SCO1: variants seen among roughly 807,000 people sequenced by gnomAD.
SCO1 encodes cytochrome c oxidase assembly factor SCO1.
Under a neutral mutation model 34.0 loss-of-function variants are expected in SCO1, and 23 were observed. The observed-to-expected ratio is 0.68, with a 90% confidence interval of 0.49 to 0.96. The LOEUF is 0.96. SCO1 is among the 40% of genes least tolerant of loss of function. The pLI, the probability that SCO1 is intolerant of heterozygous loss-of-function variation, is 0.00. For synonymous variants in SCO1, 161 were observed against 145.5 expected, an observed-to-expected ratio of 1.11 and a Z score of -0.77; for missense variants, 404 against 381.6, an observed-to-expected ratio of 1.06 and a Z score of -0.49.
intron 5 of SCO1, among the ~76,000 whole-genome samples, chr17:10,681,777 C>T (rs1286214799): frequency 6.6e-6 from 1 of 152,166 alleles, no homozygotes; most frequent in Admixed American, 6.5e-5. Context: ...TCATTACTGC[C>T]AAAATTCTGC....
intron 5 of SCO1, 115 bp from the exon 6 acceptor site, chr17:10,681,368 AG>A: frequency 8.9e-7 from 1 of 1,125,088 alleles, no homozygotes; most frequent in East Asian, 2.4e-5. Flanking sequence ...TAACCTTTAC[AG>A]CATCTATTAT....
At position 10,672,498 on chromosome 17, in the gene SCO1, G is replaced by C. The variant is rs754325290; in HGVS notation, c.*8621C>G. On this transcript the variant is annotated 3_prime_UTR_variant, in exon 6 of 6. Coordinates refer to ENST00000255390, the MANE Select transcript of SCO1 (RefSeq NM_004589.4). ...GTAATTTTTAAGTAAGGTTTATTGA[G>C]GTATGTATATTACAATTCACCCTTT... 3 of 151,962 alleles carry C rather than the reference G, an allele frequency of 2.0e-5. No homozygotes were observed. Among genetic ancestry groups the C allele is most frequent in the African/African-American group, 7.2e-5 (3 of 41,384 alleles). The allele number at this position is 151,962 out of a possible 1,614,324, so 9.4% of individuals were successfully genotyped here. A position where few individuals can be genotyped will look rare whatever the true frequency, so the allele number is the denominator to read the frequency against.
chr17:10,685,530 A>T (rs1038897809), intron 5 of SCO1, among the ~76,000 whole-genome samples: 7 of 152,218 alleles, frequency 4.6e-5, no homozygotes, highest in African/African-American at 1.7e-4. Context: ...GAATATGAAG[A>T]TAGTTAATTT....
chr17:10,692,615 C>CAAAGCAACAAACAA lies in SCO1; in HGVS notation c.562+135_562+148dup, dbSNP rs1400384304. 5.7e-6 allele frequency: 4 copies of CAAAGCAACAAACAA among 698,946 alleles called. No homozygotes were observed. In the Admixed American group the frequency reaches 9.0e-5, roughly 16 times the overall value. 43.3% of individuals were successfully genotyped at this position (698,946 alleles called of 1,614,324 possible). A position where few individuals can be genotyped will look rare whatever the true frequency, so the allele number is the denominator to read the frequency against. Reference sequence around the variant, plus strand: ...CAGTGGAGAATAAGGTCACAAGATTCAAAGCAACAAACAAGCCAAATGCTG... The same window carrying CAAAGCAACAAACAA: ...CAGTGGAGAATAAGGTCACAAGATTCAAAGCAACAAACAAAAAGCAACAAACAAGCCAAATGCTG... On this transcript the variant is annotated intron_variant, in intron 3 of 5. Transcript: ENST00000255390.
intron 5 of SCO1, among the ~76,000 whole-genome samples, chr17:10,686,240 T>C (rs902779635): frequency 6.6e-6 from 1 of 151,322 alleles, no homozygotes; most frequent in Non-Finnish European, 1.5e-5. Context: ...AGACTCCGTC[T>C]CGAAAATAAA....
In SCO1 at chr17:10,697,329, T is replaced by C. The variant is rs1358469276; in HGVS notation, c.179A>G (p.Tyr60Cys). The change falls in exon 1 of 6, where the codon TAT becomes TGT. Residue 60 changes from tyrosine (Y) to cysteine (C), a missense_variant. Physicochemically the swap from Tyr to Cys is radical, Grantham distance 194. Transcript: ENST00000255390. ...EAWRASGRPG[Y>C]CLGTRPLSTA... ...GCTGAGGGGCCGGGTTCCCAGGCAA[T>C]AGCCAGGGCGCCCCGAGGCACGCCA... The C allele has an allele frequency of 7.6e-6, 12 of 1,572,244 alleles. No homozygotes were observed. The highest frequency in any genetic ancestry group is 2.4e-5 in the East Asian group (1 of 42,470).
At chr17:10,692,069 T>C in intron 3 of SCO1, 105 bp from the exon 4 acceptor site, 5 of 791,212 alleles carry the variant, frequency 6.3e-6, no homozygotes, top group South Asian at 5.6e-5. Flanking sequence ...CTAGGTGTTT[T>C]GAAAGCAGAT....
At position 10,675,823 on chromosome 17, in the gene SCO1, T is replaced by C. The variant is rs2074576828; in HGVS notation, c.*5296A>G. 1 of 152,174 alleles carries C rather than the reference T, an allele frequency of 6.6e-6. No individual in the cohort carries two copies. The highest frequency in any genetic ancestry group is 1.5e-5 in the Non-Finnish European group (1 of 68,016). 9.4% of individuals were successfully genotyped at this position (152,174 alleles called of 1,614,324 possible). A position where few individuals can be genotyped will look rare whatever the true frequency, so the allele number is the denominator to read the frequency against. On this transcript the variant is annotated 3_prime_UTR_variant, in exon 6 of 6. Transcript: ENST00000255390. Reference sequence around the variant, plus strand: ...AATAACGCCACCCTATGTTTAAGAATGGGAAGAGAGGCTTGGCGGGGAGGG... The same window carrying C: ...AATAACGCCACCCTATGTTTAAGAACGGGAAGAGAGGCTTGGCGGGGAGGG...
In SCO1 at chr17:10,697,351, G is replaced by T; in HGVS notation, c.157C>A (p.Arg53Ser). ...QFCARQAEAW[R>S]ASGRPGYCLG... Reference sequence around the variant, plus strand: ...CAATAGCCAGGGCGCCCCGAGGCACGCCACGCCTCCGCTTGCCGCGCGCAG... The same window carrying T: ...CAATAGCCAGGGCGCCCCGAGGCACTCCACGCCTCCGCTTGCCGCGCGCAG... Residue 53 changes from arginine to serine, a missense_variant, in exon 1 of 6, where the codon CGT becomes AGT. Physicochemically the swap from Arg to Ser is moderately radical, Grantham distance 110 (BLOSUM62 -1). Coordinates refer to ENST00000255390, the MANE Select transcript of SCO1 (RefSeq NM_004589.4). 4 of 1,583,836 alleles carry T rather than the reference G, an allele frequency of 2.5e-6. No homozygotes were observed. Among genetic ancestry groups the T allele is most frequent in the Non-Finnish European group, 3.4e-6 (4 of 1,165,342 alleles).
chr17:10,681,321 T>C, intron 5 of SCO1, 68 bp from the exon 6 acceptor site: 1 of 1,515,242 alleles, frequency 6.6e-7, no homozygotes, highest in Admixed American at 1.7e-5. Flanking sequence ...ACTGAATGTA[T>C]GCTGCAAGAT....
At chr17:10,697,039 C>A (rs938211556) in intron 1 of SCO1, among the ~76,000 whole-genome samples, 196 bp downstream of exon 1, 2 of 151,336 alleles carry the variant, frequency 1.3e-5, no homozygotes, top group Non-Finnish European at 2.9e-5. Context: ...GTCTCAAGTT[C>A]TCTGTGGAGA....
Position 10,684,050 on chromosome 17 carries a change from A to G in SCO1, c.771+2677T>C, listed in dbSNP as rs370995711. 4 of 152,124 alleles carry G rather than the reference A, an allele frequency of 2.6e-5. No individual in the cohort carries two copies. The East Asian group carries it at 5.8e-4, about 22-fold the overall frequency. 9.4% of individuals were successfully genotyped at this position (152,124 alleles called of 1,614,324 possible). A position where few individuals can be genotyped will look rare whatever the true frequency, so the allele number is the denominator to read the frequency against. On this transcript the variant is annotated intron_variant, in intron 5 of 5. Transcript: ENST00000255390. Reference sequence around the variant, plus strand: ...AAGAAGCTGAAGAATGTCTCCCCCTATTGGATGATTTAGCAAATGTACAGC... The same window carrying G: ...AAGAAGCTGAAGAATGTCTCCCCCTGTTGGATGATTTAGCAAATGTACAGC...
At chr17:10,697,083 G>A (rs1296712435) in intron 1 of SCO1, 152 bp downstream of exon 1, 5 of 726,516 alleles carry the variant, frequency 6.9e-6, no homozygotes, top group Admixed American at 3.0e-5. Flanking sequence ...GGAAATGTAG[G>A]ATGAAATTCC....
chr17:10,692,982 T>A (rs759315422), intron 2 of SCO1, 21 bp from the exon 3 acceptor site: 100 of 1,610,884 alleles, frequency 6.2e-5, no homozygotes, highest in Non-Finnish European at 3.7e-5. Context: ...CAAAAACATA[T>A]CGACACCAAA....
chr17:10,695,944 TG>T lies in SCO1; in HGVS notation c.274-114del, dbSNP rs2074720383. The T allele has an allele frequency of 1.2e-5, 9 of 778,628 alleles. No homozygotes were observed. In the South Asian group the frequency reaches 1.3e-4, roughly 11 times the overall value. The allele number at this position is 778,628 out of a possible 1,614,324, so 48.2% of individuals were successfully genotyped here. ...CATACACACAGGCCATGATGTTAAA[TG>T]TGCAAAATGTTTCAGGGATGAGAAA... On this transcript the variant is annotated intron_variant, in intron 1 of 5. Coordinates refer to ENST00000255390, the MANE Select transcript of SCO1 (RefSeq NM_004589.4).
At position 10,681,033 on chromosome 17, in the gene SCO1, A is replaced by G; in HGVS notation, c.*86T>C. 2.1e-6 allele frequency: 3 copies of G among 1,459,316 alleles called. No homozygotes were observed. Among genetic ancestry groups the G allele is most frequent in the Middle Eastern group, 1.7e-4 (1 of 5,744 alleles). 90.4% of individuals were successfully genotyped at this position (1,459,316 alleles called of 1,614,324 possible). On this transcript the variant is annotated 3_prime_UTR_variant, in exon 6 of 6. Transcript: ENST00000255390. ...AGGCCATTCTGTAGAGTGCACGTAT[A>G]TATGTTTATATTTATATAGGCTCCT...
chr17:10,690,602 T>C (rs1419187958), intron 4 of SCO1, among the ~76,000 whole-genome samples: 2 of 152,234 alleles, frequency 1.3e-5, no homozygotes, highest in Non-Finnish European at 2.9e-5. Context: ...TGTAAATTAG[T>C]ATAACCATTG....
intron 4 of SCO1, among the ~76,000 whole-genome samples, chr17:10,691,012 T>C (rs2520180): frequency 0.59 from 89,563 of 152,092 alleles, 28,401 homozygotes; most frequent in African/African-American, 0.84. Flanking sequence ...GAGAGAAGAA[T>C]TGTGGATACT....
rs2074697859 is a variant in SCO1 at position 10,692,807 on chromosome 17, A to G, written c.519T>C (p.Cys173=). 1.2e-6 allele frequency: 2 copies of G among 1,614,202 alleles called. No homozygotes were observed. Among genetic ancestry groups the G allele is most frequent in the Non-Finnish European group, 1.7e-6 (2 of 1,180,020 alleles). The change falls in exon 3 of 6, where the codon TGT becomes TGC. Residue 173 remains cysteine, a synonymous_variant. Transcript: ENST00000255390. The part of the protein sequence containing the change: ...YFGFTHCPDV[C]PEELEKMIQV... ...GAATCATCTTTTCTAGTTCTTCTGGACAGACATCAGGGCAATGAGTGAAGC... is the reference window on the plus strand; with the variant it reads ...GAATCATCTTTTCTAGTTCTTCTGGGCAGACATCAGGGCAATGAGTGAAGC...
Sources: allele counts gnomAD v4.1 joint callset (sites outside exome capture counted in the v4.1 genomes callset), GRCh38; gene constraint gnomAD v4.1.1; transcripts MANE v1.5; gene names NCBI Gene and HGNC (gene_info 2026-07-23, HGNC 2026-07-21).